Variants in STRN observed in about 807,000 individuals in gnomAD.
The protein encoded by STRN is protein phosphatase 2 regulatory subunit B'''alpha.
STRN carries 53 observed loss-of-function variants against 96.3 expected under a neutral mutation model. The observed-to-expected ratio is 0.55, with a 90% confidence interval of 0.44 to 0.69. STRN has a LOEUF of 0.69. Ranked by LOEUF, STRN falls within the 30% of genes least tolerant of loss-of-function variation. The pLI is 0.00. For missense variants in STRN, 987 were observed against 963.9 expected (o/e 1.02, Z -0.32); for synonymous variants, 428 against 355.9 (o/e 1.20, Z -2.28).
At chr2:36,960,120 TAAAGG>T in intron 1 of STRN, among the ~76,000 whole-genome samples, 1 of 152,180 alleles carries the variant, frequency 6.6e-6, no homozygotes, top group Non-Finnish European at 1.5e-5. Flanking sequence ...GCTCCACATG[TAAAGG>T]AAGTGGCTTA....
At chr2:36,917,716 T>C (rs1184905708) in intron 2 of STRN, among the ~76,000 whole-genome samples, 4 of 152,128 alleles carry the variant, frequency 2.6e-5, no homozygotes, top group Admixed American at 2.6e-4. Context: ...TTATAGGCAG[T>C]TGATGTCCTA....
At chr2:36,880,441 A>T (rs1327032697) in intron 9 of STRN, among the ~76,000 whole-genome samples, 2 of 152,126 alleles carry the variant, frequency 1.3e-5, no homozygotes, top group South Asian at 2.1e-4. Flanking sequence ...CCATGTCTTT[A>T]AAAAAAATTT....
intron 1 of STRN, among the ~76,000 whole-genome samples, chr2:36,937,940 C>G (rs1670748500): frequency 6.6e-6 from 1 of 151,642 alleles, no homozygotes; most frequent in Admixed American, 6.6e-5. Flanking sequence ...GGAAAAAAGG[C>G]AAAGAAACAT....
chr2:36,852,673 A>G (rs1364578082), intron 15 of STRN, among the ~76,000 whole-genome samples: 1 of 152,220 alleles, frequency 6.6e-6, no homozygotes, highest in Non-Finnish European at 1.5e-5. Flanking sequence ...TTATTTCAAA[A>G]TAGAGTTTAA....
At chr2:36,898,041 G>A (rs910027920) in intron 6 of STRN, among the ~76,000 whole-genome samples, 5 of 151,964 alleles carry the variant, frequency 3.3e-5, no homozygotes, top group African/African-American at 1.2e-4. Context: ...TTATTATGTT[G>A]TTTACTTAAA....
intron 3 of STRN, among the ~76,000 whole-genome samples, chr2:36,915,270 T>C (rs1474489365): frequency 1.6e-5 from 2 of 122,206 alleles, no homozygotes; most frequent in Non-Finnish European, 3.4e-5. Flanking sequence ...TATATATATA[T>C]ATAAAGCCTC....
chr2:36,849,735 C>A lies in STRN; in HGVS notation c.2152G>T (p.Gly718Cys). The A allele has an allele frequency of 6.2e-7, 1 of 1,613,906 alleles. No homozygotes were observed. The highest frequency in any genetic ancestry group is 8.5e-7 in the Non-Finnish European group (1 of 1,179,934). ...AVTSLAVDPN[G>C]LYLMSGSHDC... Reference sequence around the variant, plus strand: ...TTACTGCCAGACATCAAGTAAAGGCCATTGGGATCAACTGCTAAACTTGTA... The same window carrying A: ...TTACTGCCAGACATCAAGTAAAGGCAATTGGGATCAACTGCTAAACTTGTA... The change falls in exon 17 of 18, where the codon GGC becomes TGC. Residue 718 changes from glycine to cysteine, a missense_variant. Physicochemically the swap from Gly to Cys is radical, Grantham distance 159. Transcript: ENST00000263918.
intron 1 of STRN, among the ~76,000 whole-genome samples, chr2:36,943,915 G>C (rs1337519111): frequency 2.6e-5 from 4 of 151,852 alleles, no homozygotes; most frequent in East Asian, 1.9e-4. Flanking sequence ...TCAGGAGTTC[G>C]AGACCAGCCT....
At chr2:36,900,067 T>G (rs936905164) in intron 5 of STRN, among the ~76,000 whole-genome samples, 1 of 152,096 alleles carries the variant, frequency 6.6e-6, no homozygotes, top group Non-Finnish European at 1.5e-5. Context: ...TTTTGTATTT[T>G]CAGTAGAGAT....
intron 3 of STRN, among the ~76,000 whole-genome samples, chr2:36,908,998 G>GA (rs34538183): frequency 0.035 from 5,091 of 147,204 alleles, 166 homozygotes; most frequent in African/African-American, 0.087. Flanking sequence ...AAACACCCCA[G>GA]AAAAAAAAAT....
chr2:36,958,994 T>C (rs753659993), intron 1 of STRN, among the ~76,000 whole-genome samples: 2 of 152,080 alleles, frequency 1.3e-5, no homozygotes, highest in South Asian at 2.1e-4. Flanking sequence ...CGGGCGTCTG[T>C]AGTCCCAGCT....
chr2:36,940,883 TG>T (rs1670829066), intron 1 of STRN, among the ~76,000 whole-genome samples: 1 of 141,530 alleles, frequency 7.1e-6, no homozygotes, highest in Non-Finnish European at 1.5e-5. Context: ...CTGGGCACAA[TG>T]GCCCATGCCT....
intron 2 of STRN, among the ~76,000 whole-genome samples, chr2:36,916,421 T>C: frequency 6.6e-6 from 1 of 151,958 alleles, no homozygotes; most frequent in Non-Finnish European, 1.5e-5. Context: ...AAATGAACGA[T>C]ATAACATCCT....
chr2:36,848,415 T>C lies in STRN; in HGVS notation c.*1041A>G, dbSNP rs1668134887. The C allele has an allele frequency of 6.6e-6, 1 of 152,320 alleles. No homozygotes were observed. The highest frequency in any genetic ancestry group is 2.1e-4 in the South Asian group (1 of 4,830). 9.4% of individuals were successfully genotyped at this position (152,320 alleles called of 1,614,324 possible). A position where few individuals can be genotyped will look rare whatever the true frequency, so the allele number is the denominator to read the frequency against. On this transcript the variant is annotated 3_prime_UTR_variant, in exon 18 of 18. Transcript: ENST00000263918. ...ATACTCTTTGGGCTATTAATAATTA[T>C]GAACTGTTCTTGGTAGATGTCAGAT...
At chr2:36,917,061 A>T (rs1266343704) in intron 2 of STRN, among the ~76,000 whole-genome samples, 3 of 149,948 alleles carry the variant, frequency 2.0e-5, no homozygotes, top group East Asian at 1.9e-4. Flanking sequence ...ATAAAAAATA[A>T]AAATAAATAA....
intron 1 of STRN, among the ~76,000 whole-genome samples, chr2:36,960,817 A>G (rs1180137129): frequency 1.3e-5 from 2 of 152,202 alleles, no homozygotes; most frequent in African/African-American, 2.4e-5. Context: ...GTTTTCCATT[A>G]AAAAGCTCAG....
intron 2 of STRN, among the ~76,000 whole-genome samples, chr2:36,921,152 T>G (rs553035036): frequency 2.3e-4 from 35 of 152,248 alleles, no homozygotes; most frequent in Non-Finnish European, 1.6e-4. Context: ...TCCTCTGTGA[T>G]CTGGCTCATG....
intron 1 of STRN, among the ~76,000 whole-genome samples, chr2:36,943,579 A>C (rs13394344): frequency 0.046 from 6,942 of 151,648 alleles, 334 homozygotes; most frequent in African/African-American, 0.13. Context: ...CTGAGGCGGG[A>C]GAATCACGAG....
At chr2:36,960,242 T>C (rs948440966) in intron 1 of STRN, among the ~76,000 whole-genome samples, 3 of 152,146 alleles carry the variant, frequency 2.0e-5, no homozygotes, top group Non-Finnish European at 2.9e-5. Context: ...TTCAGAAAAG[T>C]TTATATGAAT....
Sources: allele counts gnomAD v4.1 joint callset (sites outside exome capture counted in the v4.1 genomes callset), GRCh38; gene constraint gnomAD v4.1.1; transcripts MANE v1.5; gene names NCBI Gene and HGNC (gene_info 2026-07-23, HGNC 2026-07-21).